ANKRD27: variants seen among roughly 807,000 people sequenced by gnomAD.
The protein encoded by ANKRD27 is ankyrin repeat domain-containing protein 27.
ANKRD27 carries 112 observed loss-of-function variants against 129.7 expected under a neutral mutation model. That is an observed-to-expected ratio of 0.86 (90% CI 0.74 to 1.01). ANKRD27 has a LOEUF of 1.01. Among genes scored for constraint, ANKRD27 ranks in the 50% least tolerant of loss-of-function variants. The pLI, the probability that ANKRD27 is intolerant of heterozygous loss-of-function variation, is 0.00. For missense variants in ANKRD27, 1,258 were observed against 1,300.5 expected (o/e 0.97, Z 0.50); for synonymous variants, 516 against 511.2 (o/e 1.01, Z -0.13).
chr19:32,646,470 C>G lies in ANKRD27; in HGVS notation c.359G>C (p.Arg120Thr), dbSNP rs975299334. The change falls in exon 4 of 29, where the codon AGA becomes ACA. Residue 120 changes from arginine to threonine, a missense_variant. By Grantham distance (71) the Arg-to-Thr change is moderately conservative (BLOSUM62 -1). Coordinates refer to ENST00000306065, the MANE Select transcript of ANKRD27 (RefSeq NM_032139.3). ...ILCIAHPLEK[R>T]ESSEEPLAPS... ...TTCTCCCAGAATACCTGAACTCTCT[C>G]TCTTTTCCAAAGGATGGGCTATACA... 7.5e-6 allele frequency: 12 copies of G among 1,605,582 alleles called. No individual in the cohort carries two copies. In the African/African-American group the frequency reaches 1.5e-4, roughly 20 times the overall value.
intron 12 of ANKRD27, among the ~76,000 whole-genome samples, chr19:32,633,412 A>G (rs1402840707): frequency 1.3e-5 from 2 of 148,338 alleles, no homozygotes; most frequent in East Asian, 4.0e-4. Flanking sequence ...AGCTCACTAC[A>G]GCCTTGAACT....
intron 8 of ANKRD27, 41 bp downstream of exon 8, chr19:32,643,246 A>AAG: frequency 6.2e-7 from 1 of 1,614,072 alleles, no homozygotes; most frequent in South Asian, 1.1e-5. Context: ...AAAAGCACAG[A>AAG]AGAAGGCTTC....
chr19:32,603,965 C>T (rs1971690385), intron 25 of ANKRD27, among the ~76,000 whole-genome samples: 2 of 152,116 alleles, frequency 1.3e-5, no homozygotes, highest in African/African-American at 2.4e-5. Context: ...GAGTGCCTGA[C>T]TCTATGTAAC....
chr19:32,612,372 A>G (rs10413061), intron 22 of ANKRD27, among the ~76,000 whole-genome samples: 88,866 of 152,092 alleles, frequency 0.58, 27,081 homozygotes, highest in Non-Finnish European at 0.69. Flanking sequence ...ACATACAAAA[A>G]CTAATTCTAA....
intron 1 of ANKRD27, among the ~76,000 whole-genome samples, chr19:32,663,730 A>T (rs577956645): frequency 6.6e-6 from 1 of 152,316 alleles, no homozygotes; most frequent in African/African-American, 2.4e-5. Flanking sequence ...GAAATACACA[A>T]TGTCATTTTA....
chr19:32,644,890 T>A (rs1007427407), intron 4 of ANKRD27, among the ~76,000 whole-genome samples: 1 of 152,186 alleles, frequency 6.6e-6, no homozygotes, highest in Non-Finnish European at 1.5e-5. Context: ...GGCTACTGCT[T>A]TGCATAACTC....
chr19:32,647,903 C>G (rs1050144590), intron 3 of ANKRD27, among the ~76,000 whole-genome samples: 1 of 152,208 alleles, frequency 6.6e-6, no homozygotes, highest in African/African-American at 2.4e-5. Context: ...CTTACCTTTT[C>G]TTTTCACAAA....
At chr19:32,636,840 C>T (rs1369623186) in intron 12 of ANKRD27, among the ~76,000 whole-genome samples, 2 of 151,806 alleles carry the variant, frequency 1.3e-5, no homozygotes, top group African/African-American at 2.4e-5. Context: ...CTCTGCCTCC[C>T]GGATTAATGC....
intron 20 of ANKRD27, among the ~76,000 whole-genome samples, chr19:32,617,915 C>T (rs947316790): frequency 2.0e-5 from 3 of 151,986 alleles, no homozygotes; most frequent in Non-Finnish European, 1.5e-5. Context: ...CCACCATGCC[C>T]GGCTAATTTT....
intron 26 of ANKRD27, among the ~76,000 whole-genome samples, chr19:32,600,477 G>A (rs1054268589): frequency 6.6e-6 from 1 of 152,066 alleles, no homozygotes; most frequent in Non-Finnish European, 1.5e-5. Flanking sequence ...GGAGGCAGAG[G>A]TTGCAGTGAG....
intron 1 of ANKRD27, among the ~76,000 whole-genome samples, chr19:32,667,824 C>T (rs259273): frequency 0.51 from 70,452 of 139,122 alleles, 20,068 homozygotes; most frequent in Non-Finnish European, 0.65. Context: ...AAGAGTGAAA[C>T]TCCGTCTCAA....
intron 26 of ANKRD27, among the ~76,000 whole-genome samples, chr19:32,601,611 C>CAAA (rs386388881): frequency 1.6e-3 from 101 of 64,870 alleles, no homozygotes; most frequent in African/African-American, 3.3e-3. Flanking sequence ...GACTCTGTCT[C>CAAA]AAAAAAAAAA....
chr19:32,648,675 C>T (rs2145307033), intron 3 of ANKRD27, among the ~76,000 whole-genome samples: 1 of 151,636 alleles, frequency 6.6e-6, no homozygotes, highest in African/African-American at 2.4e-5. Context: ...TGGCGGGTGC[C>T]CGTAGTCCCA....
In ANKRD27 at chr19:32,643,207, C is replaced by T. The variant is rs752307482; in HGVS notation, c.706-8G>A. The T allele has an allele frequency of 3.1e-6, 5 of 1,614,132 alleles. No homozygotes were observed. The South Asian group carries it at 4.4e-5, about 14-fold the overall frequency. On this transcript the variant is annotated splice_polypyrimidine_tract_variant and splice_region_variant and intron_variant, in intron 8 of 28. Transcript: ENST00000306065. Reference sequence around the variant, plus strand: ...TTTGTTAAAGGCCGCATCCTAACAACAGATTTTAACGAACCTTCAAATTTC... The same window carrying T: ...TTTGTTAAAGGCCGCATCCTAACAATAGATTTTAACGAACCTTCAAATTTC...
At chr19:32,631,310 T>G (rs1441289801) in intron 13 of ANKRD27, 92 bp downstream of exon 13, 3 of 1,195,470 alleles carry the variant, frequency 2.5e-6, no homozygotes, top group African/African-American at 3.0e-5. Context: ...TGAGCCACCA[T>G]GCCTGGCCAA....
At chr19:32,610,287 CGACA>C (rs1568398182) in intron 22 of ANKRD27, among the ~76,000 whole-genome samples, 1 of 150,660 alleles carries the variant, frequency 6.6e-6, no homozygotes, top group Non-Finnish European at 1.5e-5. Context: ...TCCAGCCTGG[CGACA>C]GAGCAAGACC....
intron 21 of ANKRD27, 33 bp from the exon 22 acceptor site, chr19:32,615,813 A>C: frequency 6.2e-7 from 1 of 1,602,970 alleles, no homozygotes; most frequent in Non-Finnish European, 8.5e-7. Context: ...ACAGGAACAC[A>C]TCCTCAGCGT....
Position 32,598,001 on chromosome 19 carries a change from A to G in ANKRD27, c.*144T>C. ...TTTTTGTTGCATTCTTTCCTGCCAC[A>G]GAAAAGCTTTCAGGAACTTGGTGCT... On this transcript the variant is annotated 3_prime_UTR_variant, in exon 29 of 29. Coordinates refer to ENST00000306065, the MANE Select transcript of ANKRD27 (RefSeq NM_032139.3). 1.4e-6 allele frequency: 1 copy of G among 704,480 alleles called. No individual in the cohort carries two copies. Among genetic ancestry groups the G allele is most frequent in the Non-Finnish European group, 2.4e-6 (1 of 420,732 alleles). 43.6% of individuals were successfully genotyped at this position (704,480 alleles called of 1,614,324 possible).
chr19:32,629,458 G>C (rs771860649), intron 13 of ANKRD27, among the ~76,000 whole-genome samples: 3 of 152,140 alleles, frequency 2.0e-5, no homozygotes, highest in Non-Finnish European at 4.4e-5. Context: ...CCAGCACTTT[G>C]GGAGGCCAAG....
Sources: allele counts gnomAD v4.1 joint callset (sites outside exome capture counted in the v4.1 genomes callset), GRCh38; gene constraint gnomAD v4.1.1; transcripts MANE v1.5; gene names NCBI Gene and HGNC (gene_info 2026-07-23, HGNC 2026-07-21).